Variants in TRIOBP observed in about 807,000 individuals in gnomAD.
TRIOBP encodes TRIO and F-actin binding protein, also known as TRIO and F-actin-binding protein.
Under a neutral mutation model 238.8 loss-of-function variants are expected in TRIOBP, and 169 were observed. The ratio of observed to expected loss-of-function variants is 0.71; its 90% CI spans 0.62 to 0.80. The LOEUF (loss-of-function observed/expected upper bound fraction) is 0.80. TRIOBP is among the 30% of genes least tolerant of loss of function. The probability of loss-of-function intolerance (pLI) is 0.00; values close to 1 mark genes in which losing one functional copy is unlikely to be tolerated. For synonymous variants in TRIOBP, 1,150 were observed against 1,274.4 expected (o/e 0.90, Z 2.08); for missense variants, 2,838 against 3,122.6 (o/e 0.91, Z 2.17).
intron 11 of TRIOBP, among the ~76,000 whole-genome samples, chr22:37,748,786 T>A (rs961628331): frequency 2.0e-5 from 3 of 151,838 alleles, no homozygotes; most frequent in Non-Finnish European, 2.9e-5. Context: ...GGTGGTGCGG[T>A]GAGTGGCATG....
intron 9 of TRIOBP, among the ~76,000 whole-genome samples, chr22:37,737,512 T>C (rs1324026527): frequency 6.6e-6 from 1 of 151,812 alleles, no homozygotes; most frequent in Non-Finnish European, 1.5e-5. Flanking sequence ...ATACAAAAAA[T>C]TAGCCGGGCG....
At chr22:37,752,644 A>G (rs1043825245) in intron 12 of TRIOBP, among the ~76,000 whole-genome samples, 2 of 152,178 alleles carry the variant, frequency 1.3e-5, no homozygotes, top group African/African-American at 4.8e-5. Flanking sequence ...TCCAGCCCAC[A>G]GCCTTCCCTA....
At chr22:37,748,440 C>G (rs1178214189) in intron 11 of TRIOBP, among the ~76,000 whole-genome samples, 1 of 152,218 alleles carries the variant, frequency 6.6e-6, no homozygotes, top group Non-Finnish European at 1.5e-5. Context: ...GCTCCCGGAT[C>G]AGCCTTCCCC....
chr22:37,767,981 C>T (rs1481649701), intron 18 of TRIOBP, 93 bp from the exon 19 acceptor site: 4 of 944,240 alleles, frequency 4.2e-6, no homozygotes, highest in Non-Finnish European at 6.8e-6. Context: ...CCACATAGTA[C>T]TCCACCAGTA....
chr22:37,702,291 G>T (rs1922692307), intron 3 of TRIOBP, among the ~76,000 whole-genome samples: 1 of 151,862 alleles, frequency 6.6e-6, no homozygotes, highest in Non-Finnish European at 1.5e-5. Flanking sequence ...TGCAATCTCT[G>T]CCTCCTAGGT....
chr22:37,738,782 G>A, intron 10 of TRIOBP, 63 bp downstream of exon 10: 1 of 1,542,094 alleles, frequency 6.5e-7, no homozygotes, highest in Admixed American at 1.7e-5. Flanking sequence ...GGTTGGAGAT[G>A]GGCTTCATTC....
chr22:37,723,082 T>C (rs535822902), intron 6 of TRIOBP, 103 bp from the exon 7 acceptor site: 2 of 1,149,142 alleles, frequency 1.7e-6, no homozygotes, highest in East Asian at 2.5e-5. Flanking sequence ...GAGGAGGGTG[T>C]GGGGTTTGCC....
intron 5 of TRIOBP, 121 bp from the exon 6 acceptor site, chr22:37,715,642 C>A: frequency 8.3e-7 from 1 of 1,199,144 alleles, no homozygotes; most frequent in Non-Finnish European, 1.2e-6. Context: ...AGCGCCTGGC[C>A]AGGGAAGTGC....
At position 37,722,289 on chromosome 22, in the gene TRIOBP, A is replaced by G. The variant is rs962993990; in HGVS notation, c.629-896A>G. Among the ~76,000 whole-genome samples the G allele has an allele frequency of 3.0e-4, 45 of 152,128 alleles. 1 individual carries two copies. The highest frequency in any genetic ancestry group is 4.8e-5 in the African/African-American group (2 of 41,420). ...CTAAAAACACAAAAATGAGCTGGGC[A>G]TAGTGGTGCATGCCTGTAATCCCAA... On this transcript the variant is annotated intron_variant, in intron 6 of 23. Transcript: ENST00000644935.
intron 5 of TRIOBP, among the ~76,000 whole-genome samples, chr22:37,715,400 T>G (rs904326750): frequency 1.3e-5 from 2 of 151,890 alleles, no homozygotes; most frequent in Non-Finnish European, 2.9e-5. Context: ...TGGAGCTCAG[T>G]GGCGCGATCT....
At chr22:37,758,362 A>C (rs1021613027) in intron 16 of TRIOBP, among the ~76,000 whole-genome samples, 10 of 152,190 alleles carry the variant, frequency 6.6e-5, no homozygotes, top group Non-Finnish European at 1.3e-4. Flanking sequence ...TGCCCTTAGC[A>C]GCCATAGAGA....
intron 5 of TRIOBP, among the ~76,000 whole-genome samples, chr22:37,713,852 C>T (rs1011680071): frequency 1.3e-5 from 2 of 152,170 alleles, no homozygotes; most frequent in African/African-American, 4.8e-5. Context: ...CTGCGGGGGT[C>T]ATTTAACCAC....
intron 11 of TRIOBP, chr22:37,751,060 G>T: frequency 2.4e-6 from 1 of 410,276 alleles, no homozygotes; most frequent in Non-Finnish European, 5.0e-6. Flanking sequence ...CACTAGATGA[G>T]CATGGTCAGA....
chr22:37,721,491 G>GT (rs764233969), intron 6 of TRIOBP, among the ~76,000 whole-genome samples: 2 of 152,040 alleles, frequency 1.3e-5, no homozygotes, highest in Non-Finnish European at 2.9e-5. Flanking sequence ...TTCGTTTTTT[G>GT]TTTTAAGACA....
At chr22:37,758,174 G>A (rs1926046904) in intron 16 of TRIOBP, 36 bp downstream of exon 16, 2 of 1,607,504 alleles carry the variant, frequency 1.2e-6, no homozygotes, top group Non-Finnish European at 1.7e-6. Flanking sequence ...GAGGCCCCTT[G>A]CCCCAGCGCC....
rs751194251 is a variant in TRIOBP, at chr22:37,723,594, A to G, written c.1038A>G (p.Ser346=). 4 of 1,613,884 alleles carry G rather than the reference A, an allele frequency of 2.5e-6. No homozygotes were observed. Among genetic ancestry groups the G allele is most frequent in the Admixed American group, 3.3e-5 (2 of 59,982 alleles). ...QWNTPRASSP[S]RSTQLDNPRT... Reference sequence around the variant, plus strand: ...ACACCCCCAGAGCTTCCTCTCCCTCACGAAGCACCCAACTGGATAACCCCA... The same window carrying G: ...ACACCCCCAGAGCTTCCTCTCCCTCGCGAAGCACCCAACTGGATAACCCCA... The change falls in exon 7 of 24, where the codon TCA becomes TCG. Residue 346 remains serine, a synonymous_variant. Coordinates refer to ENST00000644935, the MANE Select transcript of TRIOBP (RefSeq NM_001039141.3).
intron 3 of TRIOBP, among the ~76,000 whole-genome samples, chr22:37,705,459 G>T (rs566634565): frequency 6.6e-6 from 1 of 152,090 alleles, no homozygotes; most frequent in African/African-American, 2.4e-5. Context: ...CAGGCAAGAG[G>T]GGGGCACAGA....
Position 37,726,041 on chromosome 22 carries a change from C to T in TRIOBP, c.3485C>T (p.Thr1162Ile). The T allele has an allele frequency of 1.2e-6, 2 of 1,602,278 alleles. No individual in the cohort carries two copies. The highest frequency in any genetic ancestry group is 1.7e-6 in the Non-Finnish European group (2 of 1,175,710). ...DSLHECPHIP[T>I]PVCIGHRDAP... is the part of the protein sequence containing the mutation. ...CTGCACGAGTGCCCCCACATCCCCA[C>T]CCCTGTGTGCATTGGGCACCGGGAT... Residue 1162 changes from threonine to isoleucine, a missense_variant, in exon 7 of 24, where the codon ACC (threonine) becomes ATC (isoleucine). Physicochemically the swap from Thr to Ile is moderately conservative, Grantham distance 89. Transcript: ENST00000644935.
intron 7 of TRIOBP, among the ~76,000 whole-genome samples, chr22:37,730,654 C>T (rs1924376804): frequency 6.6e-6 from 1 of 152,194 alleles, no homozygotes; most frequent in East Asian, 1.9e-4. Context: ...AATTAGATTA[C>T]AAATTGGCTG....
Sources: allele counts gnomAD v4.1 joint callset (sites outside exome capture counted in the v4.1 genomes callset), GRCh38; gene constraint gnomAD v4.1.1; transcripts MANE v1.5; gene names NCBI Gene and HGNC (gene_info 2026-07-23, HGNC 2026-07-21).